Variants in RLIM observed in about 807,000 individuals in gnomAD.
The protein encoded by RLIM is E3 ubiquitin-protein ligase RLIM.
A neutral mutation model predicts 34.0 loss-of-function variants in RLIM; 2 were observed. That is an observed-to-expected ratio of 0.06 (90% CI 0.02 to 0.19). RLIM has a LOEUF of 0.19. RLIM is among the 10% of genes least tolerant of loss of function. The pLI is 1.00. For missense variants in RLIM, 286 were observed against 479.7 expected, an observed-to-expected ratio of 0.60 and a Z score of 3.77; for synonymous variants, 169 against 164.0, an observed-to-expected ratio of 1.03 and a Z score of -0.23.
chrX:74,587,386 A>T lies in RLIM; in HGVS notation c.*4054T>A, dbSNP rs1438745513. ...CATAGTCTTATAAGACTAGGAGAAT[A>T]AAAGTGCCCTGCAAACATGGCTTCT... On this transcript the variant is annotated 3_prime_UTR_variant, in exon 4 of 4. Transcript: ENST00000332687. The T allele has an allele frequency of 5.4e-5, 6 of 111,639 alleles. No individual in the cohort carries two copies. Among genetic ancestry groups the T allele is most frequent in the Non-Finnish European group, 9.4e-5 (5 of 53,215 alleles). The allele number at this position is 111,639 out of a possible 1,213,427, so 9.2% of individuals were successfully genotyped here. A position where few individuals can be genotyped will look rare whatever the true frequency, so the allele number is the denominator to read the frequency against.
rs1444501316 is a variant in RLIM at position 74,589,632 on chromosome X, AAC to A, written c.*1806_*1807del. ...AAATAATCTTTACAGCTAAGTTGGTAACAGTGAAGGTACCCAGACAATTCCTA... is the reference window on the plus strand; with the variant it reads ...AAATAATCTTTACAGCTAAGTTGGTAAGTGAAGGTACCCAGACAATTCCTA... On this transcript the variant is annotated 3_prime_UTR_variant, in exon 4 of 4. Coordinates refer to ENST00000332687, the MANE Select transcript of RLIM (RefSeq NM_016120.4). The A allele has an allele frequency of 1.8e-5, 2 of 112,358 alleles. No individual in the cohort carries two copies. Among genetic ancestry groups the A allele is most frequent in the Non-Finnish European group, 3.8e-5 (2 of 53,217 alleles). The allele number at this position is 112,358 out of a possible 1,213,427, so 9.3% of individuals were successfully genotyped here.
Position 74,595,979 on chromosome X carries a change from T to C in RLIM, c.-2A>G. 1 of 1,164,211 alleles carries C rather than the reference T, an allele frequency of 8.6e-7. No homozygotes were observed. The highest frequency in any genetic ancestry group is 1.1e-6 in the Non-Finnish European group (1 of 870,192). On this transcript the variant is annotated 5_prime_UTR_variant, in exon 2 of 4. Transcript: ENST00000332687. The stretch of plus-strand genomic sequence containing the variant: ...GTCATTGGAATCTGAGTTTTCCATA[T>C]TGATGAACAAGTGGAAAATACCTGA...
chrX:74,595,778 C>G, intron 2 of RLIM, 31 bp downstream of exon 2: 1 of 1,095,928 alleles, frequency 9.1e-7, no homozygotes, highest in Non-Finnish European at 1.2e-6. Flanking sequence ...GCAACTTACA[C>G]TTATAAATCC....
Position 74,591,762 on chromosome X carries a change from A to G in RLIM, c.1553T>C (p.Val518Ala). Residue 518 changes from valine (V) to alanine (A), a missense_variant, in exon 4 of 4, where the codon GTC becomes GCC. Val to Ala is a moderately conservative substitution (Grantham distance 64). Around this residue, in one of 6 missense-constraint regions of RLIM, gnomAD observed 69 missense variants for 83.5 expected, o/e 0.83. Transcript: ENST00000332687. ...CAAAGAGCCACTTTCATCAAATGTG[A>G]CTGGGGCCCTATGTCGACCCTCTCG... Reference protein sequence around the residue: ...ARREGRHRAPVTFDESGSLPF... With the variant: ...ARREGRHRAPATFDESGSLPF... 1 of 1,211,636 alleles carries G rather than the reference A, an allele frequency of 8.3e-7. No individual in the cohort carries two copies. The highest frequency in any genetic ancestry group is 1.1e-6 in the Non-Finnish European group (1 of 895,469).
chrX:74,594,038 G>A (rs773367937), intron 3 of RLIM, among the ~76,000 whole-genome samples: 1 of 111,789 alleles, frequency 8.9e-6, no homozygotes, highest in East Asian at 2.8e-4. Context: ...AATTTCAATG[G>A]AGGTGAAAAA....
At chrX:74,608,390 C>G (rs1044410148) in intron 1 of RLIM, among the ~76,000 whole-genome samples, 3 of 106,367 alleles carry the variant, frequency 2.8e-5, no homozygotes, top group African/African-American at 1.0e-4. Flanking sequence ...TCTCCACTCA[C>G]GCAGTTATCT....
chrX:74,601,148 G>C (rs926704254), intron 1 of RLIM, among the ~76,000 whole-genome samples: 1 of 111,991 alleles, frequency 8.9e-6, no homozygotes, highest in Admixed American at 9.5e-5. Flanking sequence ...GAGTATGGAG[G>C]GGGGTGTATC....
At position 74,587,144 on chromosome X, in the gene RLIM, C is replaced by A. The variant is rs768955061; in HGVS notation, c.*4296G>T. 7.9e-4 allele frequency: 88 copies of A among 111,756 alleles called. 2 individuals are homozygous for A. The Admixed American group carries it at 8.2e-3, about 10-fold the overall frequency. 9.2% of individuals were successfully genotyped at this position (111,756 alleles called of 1,213,427 possible). On this transcript the variant is annotated 3_prime_UTR_variant, in exon 4 of 4. Transcript: ENST00000332687. ...TAAGTGACATACTAGTTCCTCGGAT[C>A]TTTTACTTTTTTCCAAATGAAGTAT...
chrX:74,610,318 G>A (rs1420738882), intron 1 of RLIM, among the ~76,000 whole-genome samples: 2 of 110,811 alleles, frequency 1.8e-5, no homozygotes, highest in African/African-American at 3.3e-5. Context: ...TCGGGAGGCT[G>A]AGGCAGGAGA....
At position 74,591,944 on chromosome X, in the gene RLIM, G is replaced by C; in HGVS notation, c.1371C>G (p.Ser457=). ...GGSGGGSSSG[S]SSSSSSSSSS... is the part of the protein sequence containing the mutation. Reference sequence around the variant, plus strand: ...TCGAACTGGAACTGGAACTCGAACTGGAACCAGAACTACTACCACCACCAG... The same window carrying C: ...TCGAACTGGAACTGGAACTCGAACTCGAACCAGAACTACTACCACCACCAG... Residue 457 remains serine, a synonymous_variant, in exon 4 of 4, where the codon TCC becomes TCG. Coordinates refer to ENST00000332687, the MANE Select transcript of RLIM (RefSeq NM_016120.4). 6 of 1,211,116 alleles carry C rather than the reference G, an allele frequency of 5.0e-6. No homozygotes were observed. In the South Asian group the frequency reaches 1.1e-4, roughly 21 times the overall value.
chrX:74,598,027 A>C, intron 1 of RLIM, among the ~76,000 whole-genome samples: 1 of 112,238 alleles, frequency 8.9e-6, no homozygotes, highest in Non-Finnish European at 1.9e-5. Flanking sequence ...AAAAATACTT[A>C]TATATGAAAC....
In RLIM at chrX:74,585,758, T is replaced by C; in HGVS notation, c.*5682A>G. ...CTGGATAGGTATCGGAGAAGGGTGTTATGTTCAGGTTTAAATTGAAAGAAA... is the reference window on the plus strand; with the variant it reads ...CTGGATAGGTATCGGAGAAGGGTGTCATGTTCAGGTTTAAATTGAAAGAAA... On this transcript the variant is annotated 3_prime_UTR_variant, in exon 4 of 4. Coordinates refer to ENST00000332687, the MANE Select transcript of RLIM (RefSeq NM_016120.4). 8.9e-6 allele frequency: 1 copy of C among 111,851 alleles called. No individual in the cohort carries two copies. The highest frequency in any genetic ancestry group is 3.7e-4 in the South Asian group (1 of 2,692). The allele number at this position is 111,851 out of a possible 1,213,427, so 9.2% of individuals were successfully genotyped here.
intron 1 of RLIM, among the ~76,000 whole-genome samples, chrX:74,605,555 G>A (rs980790560): frequency 2.7e-5 from 3 of 111,857 alleles, no homozygotes; most frequent in Admixed American, 9.5e-5. Flanking sequence ...CTTATACACC[G>A]CTGGGATCTT....
rs368026211 is a variant in RLIM at position 74,595,752 on chromosome X, A to ATT, written c.169+55_169+56dup. On this transcript the variant is annotated intron_variant, in intron 2 of 3. Transcript: ENST00000332687. ...ATGGATTTTTAAAACAGGTTCAAGCATTTTTTTTTAAACCAGCAACTTACA... is the reference window on the plus strand; with the variant it reads ...ATGGATTTTTAAAACAGGTTCAAGCATTTTTTTTTTTAAACCAGCAACTTACA... 8 of 921,187 alleles carry ATT rather than the reference A, an allele frequency of 8.7e-6. No individual in the cohort carries two copies. The African/African-American group carries it at 1.0e-4, about 12-fold the overall frequency. 75.9% of individuals were successfully genotyped at this position (921,187 alleles called of 1,213,427 possible). A position where few individuals can be genotyped will look rare whatever the true frequency, so the allele number is the denominator to read the frequency against.
chrX:74,611,424 TTTAA>T (rs2079710401), intron 1 of RLIM, among the ~76,000 whole-genome samples: 1 of 112,349 alleles, frequency 8.9e-6, no homozygotes, highest in African/African-American at 3.2e-5. Flanking sequence ...TTCCAGATCA[TTTAA>T]TTATTAAGCT....
At chrX:74,611,338 G>A (rs1358207215) in intron 1 of RLIM, among the ~76,000 whole-genome samples, 1 of 112,152 alleles carries the variant, frequency 8.9e-6, no homozygotes. Flanking sequence ...AAATGCAGAT[G>A]CCTCATTTGA....
chrX:74,591,047 C>A lies in RLIM; in HGVS notation c.*393G>T. On this transcript the variant is annotated 3_prime_UTR_variant, in exon 4 of 4. Transcript: ENST00000332687. ...ATCACTTATGAAACACATACTGTAA[C>A]TTAGTCTAAACTGGTAATTTCCTTT... is the stretch of plus-strand genomic sequence containing the variant. 1 of 150,093 alleles carries A rather than the reference C, an allele frequency of 6.7e-6. No individual in the cohort carries two copies. 12.4% of individuals were successfully genotyped at this position (150,093 alleles called of 1,213,427 possible). A position where few individuals can be genotyped will look rare whatever the true frequency, so the allele number is the denominator to read the frequency against.
chrX:74,583,109 G>A lies in RLIM; in HGVS notation c.*8331C>T. On this transcript the variant is annotated 3_prime_UTR_variant, in exon 4 of 4. Transcript: ENST00000332687. ...AATTTTAAACAGTTGGAACACCGGT[G>A]GCACTGTTAACTGCTTTCTGGGCAG... 5 of 1,183,061 alleles carry A rather than the reference G, an allele frequency of 4.2e-6. No homozygotes were observed. Among genetic ancestry groups the A allele is most frequent in the Non-Finnish European group, 4.6e-6 (4 of 868,467 alleles).
chrX:74,600,516 G>C (rs1340544063), intron 1 of RLIM, among the ~76,000 whole-genome samples: 3 of 111,787 alleles, frequency 2.7e-5, no homozygotes, highest in Non-Finnish European at 5.6e-5. Flanking sequence ...GCTAATGCAT[G>C]AAAGTTAAGA....
Sources: allele counts gnomAD v4.1 joint callset (sites outside exome capture counted in the v4.1 genomes callset), GRCh38; gene constraint gnomAD v4.1.1; regional missense constraint gnomAD v4.1.1; transcripts MANE v1.5; gene names NCBI Gene and HGNC (gene_info 2026-07-23, HGNC 2026-07-21).